The following DISP2 variants were observed in gnomAD, a reference collection of about 807,000 sequenced individuals.
DISP2 encodes the protein dispatched RND transporter family member 2.
DISP2 carries 59 observed loss-of-function variants against 95.5 expected under a neutral mutation model. The ratio of observed to expected loss-of-function variants is 0.62; its 90% CI spans 0.50 to 0.77. DISP2 has a LOEUF of 0.77. Ranked by LOEUF, DISP2 falls within the 30% of genes least tolerant of loss-of-function variation. DISP2 has a pLI of 0.00. For missense variants in DISP2, 1,752 were observed against 1,854.6 expected, an observed-to-expected ratio of 0.94 and a Z score of 1.02; for synonymous variants, 827 against 815.0, an observed-to-expected ratio of 1.01 and a Z score of -0.25.
chr15:40,374,014 A>AAAATATATATATATAT lies in DISP2; in HGVS notation c.*3697_*3698insAATATATATATATATA. ...GCGAGACTCCATCTTAAAAAAAAAA[A>AAAATATATATATATAT]ATATATATATATATATATGTAAACT... On this transcript the variant is annotated 3_prime_UTR_variant, in exon 8 of 8. Transcript: ENST00000267889. The AAAATATATATATATAT allele has an allele frequency of 1.9e-5, 2 of 104,194 alleles. No individual in the cohort carries two copies. The highest frequency in any genetic ancestry group is 3.9e-5 in the Non-Finnish European group (2 of 51,300). The allele number at this position is 104,194 out of a possible 1,614,324, so 6.5% of individuals were successfully genotyped here.
chr15:40,365,678 T>C lies in DISP2; in HGVS notation c.898T>C (p.Trp300Arg). ...CATGTCCACCTCCTCGGGCAGCCTA[T>C]GGAACCTGCATGCCATCCATTCCAT... ...VFMSTSSGSL[W>R]NLHAIHSMCR... The change falls in exon 7 of 8, where the codon TGG (tryptophan) becomes CGG (arginine). Residue 300 changes from tryptophan (W) to arginine (R), a missense_variant. Coordinates refer to ENST00000267889, the MANE Select transcript of DISP2 (RefSeq NM_033510.3). 1 of 1,614,052 alleles carries C rather than the reference T, an allele frequency of 6.2e-7. No individual in the cohort carries two copies. Among genetic ancestry groups the C allele is most frequent in the Non-Finnish European group, 8.5e-7 (1 of 1,180,000 alleles).
chr15:40,368,692 C>T lies in DISP2; in HGVS notation c.2580C>T (p.Gly860=). ...CARLGPDLCC[G]HSDFPWAPQF... ...GCCTGGGGCCTGACCTCTGCTGCGGCCACTCGGACTTCCCCTGGGCCCCCC... is the reference window on the plus strand; with the variant it reads ...GCCTGGGGCCTGACCTCTGCTGCGGTCACTCGGACTTCCCCTGGGCCCCCC... Residue 860 remains glycine, a synonymous_variant, in exon 8 of 8, where the codon GGC becomes GGT. Transcript: ENST00000267889. 6.2e-7 allele frequency: 1 copy of T among 1,612,754 alleles called. No homozygotes were observed. The highest frequency in any genetic ancestry group is 8.5e-7 in the Non-Finnish European group (1 of 1,180,024).
chr15:40,358,543 G>C (rs1889357384), intron 1 of DISP2, 103 bp downstream of exon 1: 4 of 883,340 alleles, frequency 4.5e-6, no homozygotes, highest in South Asian at 5.4e-5. Flanking sequence ...TCATTCCCCA[G>C]ACCCTCCCGG....
Position 40,369,236 on chromosome 15 carries a change from C to T in DISP2, c.3124C>T (p.Leu1042=). Residue 1042 remains leucine (L), a synonymous_variant, in exon 8 of 8, where the codon CTG becomes TTG. Coordinates refer to ENST00000267889, the MANE Select transcript of DISP2 (RefSeq NM_033510.3). ...FTVNYCISYH[L]CPHPDRLSRV... ...TGTCAACTACTGCATCTCCTATCAC[C>T]TGTGCCCACACCCTGACCGCCTGAG... is the stretch of plus-strand genomic sequence containing the variant. 1 of 1,613,954 alleles carries T rather than the reference C, an allele frequency of 6.2e-7. No individual in the cohort carries two copies. Among genetic ancestry groups the T allele is most frequent in the Non-Finnish European group, 8.5e-7 (1 of 1,180,046 alleles).
Position 40,369,529 on chromosome 15 carries a change from T to G in DISP2, c.3417T>G (p.Pro1139=). 6.2e-7 allele frequency: 1 copy of G among 1,612,918 alleles called. No individual in the cohort carries two copies. Among genetic ancestry groups the G allele is most frequent in the Non-Finnish European group, 8.5e-7 (1 of 1,179,982 alleles). ...HLPWDAGTGD[P]GGEKAGRPRP... The stretch of plus-strand genomic sequence containing the variant: ...CATGGGATGCTGGTACTGGGGACCC[T>G]GGTGGGGAGAAGGCAGGCCGCCCAC... Residue 1139 remains proline (P), a synonymous_variant, in exon 8 of 8, where the codon CCT becomes CCG. Transcript: ENST00000267889.
In DISP2 at chr15:40,369,298, C is replaced by A; in HGVS notation, c.3186C>A (p.Ala1062=). ...VAFSLRQTSC[A]TAVGAAALFA... ...TCTCTCTGCGCCAGACCAGCTGCGC[C>A]ACAGCCGTGGGGGCTGCAGCCCTGT... The change falls in exon 8 of 8, where the codon GCC becomes GCA. Residue 1062 remains alanine, a synonymous_variant. Transcript: ENST00000267889. 6.2e-7 allele frequency: 1 copy of A among 1,613,666 alleles called. No homozygotes were observed. Among genetic ancestry groups the A allele is most frequent in the South Asian group, 1.1e-5 (1 of 91,086 alleles).
In DISP2 at chr15:40,374,014, A is replaced by AAAAAAAAAATATATATATAT; in HGVS notation, c.*3697_*3698insAAAAAAAATATATATATATA. ...GCGAGACTCCATCTTAAAAAAAAAA[A>AAAAAAAAAATATATATATAT]ATATATATATATATATATGTAAACT... On this transcript the variant is annotated 3_prime_UTR_variant, in exon 8 of 8. Transcript: ENST00000267889. 1 of 104,196 alleles carries AAAAAAAAAATATATATATAT rather than the reference A, an allele frequency of 9.6e-6. No homozygotes were observed. The highest frequency in any genetic ancestry group is 4.2e-5 in the African/African-American group (1 of 23,942). 6.5% of individuals were successfully genotyped at this position (104,196 alleles called of 1,614,324 possible).
Position 40,367,835 on chromosome 15 carries a change from TC to T in DISP2, c.1724del (p.Ser575TrpfsTer35). On this transcript the variant is annotated frameshift_variant, in exon 8 of 8. Coordinates refer to ENST00000267889, the MANE Select transcript of DISP2 (RefSeq NM_033510.3). LOFTEE classifies it high-confidence loss of function. The part of the protein sequence containing the change: ...LWRLSKSQLP[S>X]GGLAQRVGRT... ...GCGCCTTAGCAAGAGCCAGCTGCCG[TC>T]GGGGGGGCTGGCGCAGCGCGTGGGC... 1.2e-6 allele frequency: 2 copies of T among 1,601,648 alleles called. No homozygotes were observed. Among genetic ancestry groups the T allele is most frequent in the South Asian group, 1.1e-5 (1 of 91,048 alleles).
rs1317375840 is a variant in DISP2 at position 40,374,325 on chromosome 15, A to C, written c.*4007A>C. The C allele has an allele frequency of 1.3e-5, 2 of 148,998 alleles. No individual in the cohort carries two copies. Among genetic ancestry groups the C allele is most frequent in the African/African-American group, 4.9e-5 (2 of 40,442 alleles). 9.2% of individuals were successfully genotyped at this position (148,998 alleles called of 1,614,324 possible). On this transcript the variant is annotated 3_prime_UTR_variant, in exon 8 of 8. Coordinates refer to ENST00000267889, the MANE Select transcript of DISP2 (RefSeq NM_033510.3). ...GTATTTTTAGTAGAGACAGTAGAGTATTTTTAGTGTTAGCCAGGATGGTCT... is the reference window on the plus strand; with the variant it reads ...GTATTTTTAGTAGAGACAGTAGAGTCTTTTTAGTGTTAGCCAGGATGGTCT...
intron 7 of DISP2, among the ~76,000 whole-genome samples, chr15:40,366,717 T>G (rs561426078): frequency 1.1e-4 from 17 of 152,234 alleles, no homozygotes; most frequent in Non-Finnish European, 1.8e-4. Context: ...TTGCTTCAGC[T>G]CATTGGACCC....
At chr15:40,366,470 G>A (rs1333658160) in intron 7 of DISP2, among the ~76,000 whole-genome samples, 1 of 152,230 alleles carries the variant, frequency 6.6e-6, no homozygotes, top group African/African-American at 2.4e-5. Flanking sequence ...TCAGGCCCAA[G>A]GTTACGCAGC....
rs754735793 is a variant in DISP2 at position 40,369,484 on chromosome 15, C to G, written c.3372C>G (p.Leu1124=). The change falls in exon 8 of 8, where the codon CTC becomes CTG. Residue 1124 remains leucine (L), a synonymous_variant. Transcript: ENST00000267889. ...CAGAGAAGAACTGTGGGCAGATCCT[C>G]TGGCCCTGTGCCCACCTGCCATGGG... is the stretch of plus-strand genomic sequence containing the variant. ...FGPEKNCGQI[L]WPCAHLPWDA... 6.2e-7 allele frequency: 1 copy of G among 1,613,242 alleles called. No homozygotes were observed. Among genetic ancestry groups the G allele is most frequent in the South Asian group, 1.1e-5 (1 of 91,088 alleles).
intron 2 of DISP2, 26 bp from the exon 3 acceptor site, chr15:40,364,200 C>G: frequency 6.2e-7 from 1 of 1,613,988 alleles, no homozygotes; most frequent in African/African-American, 1.3e-5. Context: ...CTCTGGCAAG[C>G]AAGCATCTTT....
chr15:40,364,095 T>C, intron 2 of DISP2, 131 bp from the exon 3 acceptor site: 1 of 1,501,410 alleles, frequency 6.7e-7, no homozygotes, highest in Non-Finnish European at 9.1e-7. Flanking sequence ...AACTTGGGAG[T>C]GGCAAAGCGC....
At position 40,376,638 on chromosome 15, in the gene DISP2, A is replaced by C. The variant is rs966100024; in HGVS notation, c.*6320A>C. ...ACATCTCAAAATAAATAAATAAATA[A>C]TAAAATAAAAATAAAAATTAGCTGG... On this transcript the variant is annotated 3_prime_UTR_variant, in exon 8 of 8. Transcript: ENST00000267889. 6.6e-6 allele frequency: 1 copy of C among 151,808 alleles called. No homozygotes were observed. Among genetic ancestry groups the C allele is most frequent in the African/African-American group, 2.4e-5 (1 of 41,294 alleles). The allele number at this position is 151,808 out of a possible 1,614,324, so 9.4% of individuals were successfully genotyped here.
At chr15:40,359,674 T>C (rs1889376705) in intron 1 of DISP2, among the ~76,000 whole-genome samples, 1 of 152,264 alleles carries the variant, frequency 6.6e-6, no homozygotes, top group South Asian at 2.1e-4. Flanking sequence ...AGGATCCACT[T>C]GCTCTCTTCC....
chr15:40,368,368 G>A lies in DISP2; in HGVS notation c.2256G>A (p.Glu752=). 6.2e-7 allele frequency: 1 copy of A among 1,606,676 alleles called. No individual in the cohort carries two copies. The part of the protein sequence containing the change: ...PSHPFERFDA[E]YRQLFLFEQL... The stretch of plus-strand genomic sequence containing the variant: ...ACCCCTTCGAGCGCTTCGACGCGGA[G>A]TATCGCCAGCTGTTCCTGTTCGAGC... Residue 752 remains glutamate, a synonymous_variant, in exon 8 of 8, where the codon GAG becomes GAA. Transcript: ENST00000267889.
Position 40,363,311 on chromosome 15 carries a change from C to CAAA in DISP2, c.120-299_120-297dup, listed in dbSNP as rs776191955. Among the ~76,000 whole-genome samples, 15 of 102,452 alleles carry CAAA rather than the reference C, an allele frequency of 1.5e-4. 1 individual carries two copies. The highest frequency in any genetic ancestry group is 3.8e-4 in the Admixed American group (4 of 10,500). The allele number at this position is 102,452 out of a possible 152,430, so 67.2% of individuals were successfully genotyped here. The stretch of plus-strand genomic sequence containing the variant: ...TGGGTGACAGAGCGAGACTCCATCA[C>CAAA]AAAAAAAAAAAAAAAAATCATATAT... On this transcript the variant is annotated intron_variant, in intron 1 of 7. Transcript: ENST00000267889.
intron 7 of DISP2, among the ~76,000 whole-genome samples, chr15:40,366,434 A>G (rs1002052927): frequency 5.3e-5 from 8 of 152,252 alleles, no homozygotes; most frequent in Admixed American, 2.6e-4. Flanking sequence ...TAATCTCTCA[A>G]TAAGTACTGT....
Sources: allele counts gnomAD v4.1 joint callset (sites outside exome capture counted in the v4.1 genomes callset), GRCh38; gene constraint gnomAD v4.1.1; transcripts MANE v1.5; gene names NCBI Gene and HGNC (gene_info 2026-07-23, HGNC 2026-07-21).